P3H3: variants seen among roughly 807,000 people sequenced by gnomAD.
The protein encoded by P3H3 is gene rich cluster, B.
A neutral mutation model predicts 78.1 loss-of-function variants in P3H3; 64 were observed. The ratio of observed to expected loss-of-function variants is 0.82; its 90% confidence interval spans 0.67 to 1.01. The LOEUF (loss-of-function observed/expected upper bound fraction) is 1.01, where lower values mean the gene tolerates loss of function less well. P3H3 is among the 50% of genes least tolerant of loss of function. The pLI is 0.00. For synonymous variants in P3H3, 425 were observed against 416.7 expected, an observed-to-expected ratio of 1.02 and a Z score of -0.24; for missense variants, 975 against 982.2, an observed-to-expected ratio of 0.99 and a Z score of 0.10.
In P3H3 at chr12:6,829,233, C is replaced by T; in HGVS notation, c.498+295C>T. On this transcript the variant is annotated intron_variant, in intron 1 of 14. Transcript: ENST00000290510. The surrounding 1 kb of genome is among the most constrained non-coding windows in gnomAD (Gnocchi z 5.1). ...GGGCCGCCTCTTCCTAGGAATGAAGCGGAGGCGGTGGGGGCGAAACCGGCT... is the reference window on the plus strand; with the variant it reads ...GGGCCGCCTCTTCCTAGGAATGAAGTGGAGGCGGTGGGGGCGAAACCGGCT... 2.9e-6 allele frequency: 1 copy of T among 345,408 alleles called. No homozygotes were observed. Among genetic ancestry groups the T allele is most frequent in the Non-Finnish European group, 5.2e-6 (1 of 192,334 alleles). The allele number at this position is 345,408 out of a possible 1,614,324, so 21.4% of individuals were successfully genotyped here. A position where few individuals can be genotyped will look rare whatever the true frequency, so the allele number is the denominator to read the frequency against.
At position 6,831,134 on chromosome 12, in the gene P3H3, C is replaced by T; in HGVS notation, c.986-82C>T. The T allele has an allele frequency of 6.3e-7, 1 of 1,577,962 alleles. No individual in the cohort carries two copies. The highest frequency in any genetic ancestry group is 1.1e-5 in the South Asian group (1 of 89,766). ...CTGTCTGGCCTCTGGAGACCACCTTCTCCAGCACTGCCTCTGCCCCAAGGA... is the reference window on the plus strand; with the variant it reads ...CTGTCTGGCCTCTGGAGACCACCTTTTCCAGCACTGCCTCTGCCCCAAGGA... On this transcript the variant is annotated intron_variant, in intron 4 of 14. Coordinates refer to ENST00000290510, the MANE Select transcript of P3H3 (RefSeq NM_014262.5). This position sits in a 1 kb window ranked among gnomAD's most constrained non-coding sequence, Gnocchi z 4.6.
In P3H3 at chr12:6,837,767, G is replaced by A. The variant is rs1555122407; in HGVS notation, c.1747G>A (p.Val583Met). 41 of 1,613,170 alleles carry A rather than the reference G, an allele frequency of 2.5e-5. No homozygotes were observed. The highest frequency in any genetic ancestry group is 3.5e-5 in the Non-Finnish European group (41 of 1,179,650). The change falls in exon 12 of 15, where the codon GTG becomes ATG. Residue 583 changes from valine (V) to methionine (M), a missense_variant. By Grantham distance (21) the Val-to-Met change is conservative. Transcript: ENST00000290510. ...QEQRMDLSHPVHADNCVLDPD... is the reference protein window; with the variant it reads ...QEQRMDLSHPMHADNCVLDPD... ...GCAGCGCATGGACCTGAGTCACCCAGTGCACGCAGACAACTGCGTCCTGGA... is the reference window on the plus strand; with the variant it reads ...GCAGCGCATGGACCTGAGTCACCCAATGCACGCAGACAACTGCGTCCTGGA...
At chr12:6,830,576 G>T (rs1365608824) in intron 3 of P3H3, 22 bp downstream of exon 3, 92 of 1,580,314 alleles carry the variant, frequency 5.8e-5, no homozygotes, top group Non-Finnish European at 7.7e-5. Context: ...GTGTGTGAGG[G>T]GGTGGGTCGG....
chr12:6,839,358 A>G lies in P3H3; in HGVS notation c.2108A>G (p.Glu703Gly), dbSNP rs968513991. The G allele has an allele frequency of 3.7e-5, 57 of 1,553,752 alleles. No individual in the cohort carries two copies. The highest frequency in any genetic ancestry group is 5.0e-5 in the Non-Finnish European group (57 of 1,148,188). The change falls in exon 15 of 15, where the codon GAA becomes GGA. Residue 703 changes from glutamate to glycine, a missense_variant. Transcript: ENST00000290510. ...CAGGAGGAGGAGGAAGAGGAAGAGGAAGAAATGCCCAGCAAAGACCCTTCC... is the reference window on the plus strand; with the variant it reads ...CAGGAGGAGGAGGAAGAGGAAGAGGGAGAAATGCCCAGCAAAGACCCTTCC... Reference protein sequence around the residue: ...ESQEEEEEEEEEMPSKDPSPE... With the variant: ...ESQEEEEEEEGEMPSKDPSPE...
chr12:6,839,206 A>C, intron 14 of P3H3, 66 bp downstream of exon 14: 1 of 1,572,232 alleles, frequency 6.4e-7, no homozygotes, highest in East Asian at 2.3e-5. Context: ...GGAGCCCCCG[A>C]GAAGGCTCAC....
In P3H3 at chr12:6,831,124, A is replaced by C. The variant is rs1943446856; in HGVS notation, c.986-92A>C. ...TTGGAGTTAGCTGTCTGGCCTCTGG[A>C]GACCACCTTCTCCAGCACTGCCTCT... On this transcript the variant is annotated intron_variant, in intron 4 of 14. Coordinates refer to ENST00000290510, the MANE Select transcript of P3H3 (RefSeq NM_014262.5). The surrounding 1 kb of genome is among the most constrained non-coding windows in gnomAD (Gnocchi z 4.6). 1 of 1,540,908 alleles carries C rather than the reference A, an allele frequency of 6.5e-7. No individual in the cohort carries two copies. The highest frequency in any genetic ancestry group is 9.0e-7 in the Non-Finnish European group (1 of 1,114,820).
rs782398555 is a variant in P3H3 at position 6,837,746 on chromosome 12, C to T, written c.1726C>T (p.Arg576Cys). The T allele has an allele frequency of 4.3e-6, 7 of 1,612,314 alleles. No individual in the cohort carries two copies. The highest frequency in any genetic ancestry group is 2.2e-5 in the South Asian group (2 of 90,666). The stretch of plus-strand genomic sequence containing the variant: ...TTGTGTCCTAGGAGAGCAAGAGCAG[C>T]GCATGGACCTGAGTCACCCAGTGCA... ...RSAIEGEQEQ[R>C]MDLSHPVHAD... Residue 576 changes from arginine (R) to cysteine (C), a missense_variant, in exon 12 of 15, where the codon CGC (arginine) becomes TGC (cysteine). Physicochemically the swap from Arg to Cys is radical, Grantham distance 180. Transcript: ENST00000290510.
intron 13 of P3H3, 150 bp downstream of exon 13, chr12:6,838,183 C>T: frequency 9.6e-7 from 1 of 1,046,634 alleles, no homozygotes; most frequent in Non-Finnish European, 1.4e-6. Flanking sequence ...CCGCTGCTTC[C>T]TCCGTAGCAA....
Position 6,831,963 on chromosome 12 carries a change from G to T in P3H3, c.1212+49G>T. On this transcript the variant is annotated intron_variant, in intron 6 of 14. Transcript: ENST00000290510. This position sits in a 1 kb window ranked among gnomAD's most constrained non-coding sequence, Gnocchi z 4.6. ...TCTCACCCCTCCGCACTCCCAGGAG[G>T]GATGGCACTTTGGTTTGCAACAGAG... is the stretch of plus-strand genomic sequence containing the variant. The T allele has an allele frequency of 9.3e-7, 1 of 1,077,444 alleles. No homozygotes were observed. Among genetic ancestry groups the T allele is most frequent in the East Asian group, 2.5e-5 (1 of 40,086 alleles). The allele number at this position is 1,077,444 out of a possible 1,614,324, so 66.7% of individuals were successfully genotyped here. A position where few individuals can be genotyped will look rare whatever the true frequency, so the allele number is the denominator to read the frequency against.
rs1407177356 is a variant in P3H3, at chr12:6,829,805, G to T, written c.499-54G>T. The T allele has an allele frequency of 6.2e-7, 1 of 1,607,030 alleles. No homozygotes were observed. The highest frequency in any genetic ancestry group is 8.5e-7 in the Non-Finnish European group (1 of 1,175,110). ...GGGTGGGGAGGCTGGCCAGGGGGCAGAGGTCTGCCCCCCGTCCCAGGGCTC... is the reference window on the plus strand; with the variant it reads ...GGGTGGGGAGGCTGGCCAGGGGGCATAGGTCTGCCCCCCGTCCCAGGGCTC... On this transcript the variant is annotated intron_variant, in intron 1 of 14. Transcript: ENST00000290510. The surrounding 1 kb of genome is among the most constrained non-coding windows in gnomAD (Gnocchi z 5.1).
intron 10 of P3H3, 28 bp downstream of exon 10, chr12:6,837,114 C>G: frequency 6.4e-7 from 1 of 1,563,358 alleles, no homozygotes; most frequent in South Asian, 1.1e-5. Context: ...CCGGGCCCGT[C>G]TGATGCCCAG....
chr12:6,830,745 G>A lies in P3H3; in HGVS notation c.960G>A (p.Arg320=). 6.2e-7 allele frequency: 1 copy of A among 1,614,008 alleles called. No homozygotes were observed. The highest frequency in any genetic ancestry group is 1.6e-4 in the Middle Eastern group (1 of 6,062). ...CAGACTTCCTTCCCAACCAGCTGAGGCGGCTACATGAGGCCCATGCTCAGG... is the reference window on the plus strand; with the variant it reads ...CAGACTTCCTTCCCAACCAGCTGAGACGGCTACATGAGGCCCATGCTCAGG... ...PVPDFLPNQL[R]RLHEAHAQVG... is the part of the protein sequence containing the mutation. Residue 320 remains arginine, a synonymous_variant, in exon 4 of 15, where the codon AGG becomes AGA. Transcript: ENST00000290510.
At chr12:6,833,872 T>C (rs1943472030) in intron 8 of P3H3, 53 bp from the exon 9 acceptor site, 2 of 1,613,808 alleles carry the variant, frequency 1.2e-6, no homozygotes, top group East Asian at 2.2e-5. Context: ...GCTACTGCTC[T>C]GCCTGCCCTT....
Position 6,828,485 on chromosome 12 carries a change from TC to T in P3H3, c.50del (p.Pro17ArgfsTer9), listed in dbSNP as rs1555120763. On this transcript the variant is annotated frameshift_variant, in exon 1 of 15. Transcript: ENST00000290510. LOFTEE classifies it high-confidence loss of function. ...CGCTGCTGCTACTGCTGCTGCTGCCTCCCCCGGGGTCCCCTGAGCCCCCCGG... is the reference window on the plus strand; with the variant it reads ...CGCTGCTGCTACTGCTGCTGCTGCCTCCCCGGGGTCCCCTGAGCCCCCCGG... ...RPLLLLLLLP[P>X]PGSPEPPGLT... The T allele has an allele frequency of 3.4e-5, 43 of 1,277,746 alleles. No individual in the cohort carries two copies. The highest frequency in any genetic ancestry group is 2.5e-4 in the Middle Eastern group (1 of 4,072). The allele number at this position is 1,277,746 out of a possible 1,614,324, so 79.2% of individuals were successfully genotyped here. A position where few individuals can be genotyped will look rare whatever the true frequency, so the allele number is the denominator to read the frequency against.
Position 6,837,520 on chromosome 12 carries a change from A to C in P3H3, c.1658A>C (p.Glu553Ala). 6.2e-7 allele frequency: 1 copy of C among 1,612,224 alleles called. No individual in the cohort carries two copies. The highest frequency in any genetic ancestry group is 8.5e-7 in the Non-Finnish European group (1 of 1,179,244). Reference protein sequence around the residue: ...RTLTQAYFSPERPLHLSFTHL... With the variant: ...RTLTQAYFSPARPLHLSFTHL... ...TTGACCCAGGCCTACTTCTCCCCGG[A>C]ACGGCCCCTGCATCTGTCCTTCACC... Residue 553 changes from glutamate (E) to alanine (A), a missense_variant, in exon 11 of 15, where the codon GAA becomes GCA. Transcript: ENST00000290510.
intron 9 of P3H3, chr12:6,834,857 G>A (rs1194045302): frequency 1.3e-5 from 2 of 151,222 alleles, no homozygotes; most frequent in Non-Finnish European, 2.9e-5. Context: ...AGAAGCGCCT[G>A]AACCCGGGAG....
At position 6,829,803 on chromosome 12, in the gene P3H3, C is replaced by T; in HGVS notation, c.499-56C>T. On this transcript the variant is annotated intron_variant, in intron 1 of 14. Coordinates refer to ENST00000290510, the MANE Select transcript of P3H3 (RefSeq NM_014262.5). The surrounding 1 kb of genome is among the most constrained non-coding windows in gnomAD (Gnocchi z 5.1). The stretch of plus-strand genomic sequence containing the variant: ...TAGGGTGGGGAGGCTGGCCAGGGGG[C>T]AGAGGTCTGCCCCCCGTCCCAGGGC... 1 of 1,602,826 alleles carries T rather than the reference C, an allele frequency of 6.2e-7. No individual in the cohort carries two copies. Among genetic ancestry groups the T allele is most frequent in the South Asian group, 1.1e-5 (1 of 90,692 alleles).
chr12:6,828,701 C>A lies in P3H3; in HGVS notation c.261C>A (p.Ala87=). 1 of 1,245,282 alleles carries A rather than the reference C, an allele frequency of 8.0e-7. No individual in the cohort carries two copies. The highest frequency in any genetic ancestry group is 3.3e-5 in the South Asian group (1 of 30,606). The allele number at this position is 1,245,282 out of a possible 1,614,324, so 77.1% of individuals were successfully genotyped here. The part of the protein sequence containing the change: ...CGASCAADPG[A]ALPAVLLGAP... ...CGAGCTGCGCGGCCGATCCGGGCGC[C>A]GCGCTCCCCGCCGTGCTTCTCGGGG... Residue 87 remains alanine (A), a synonymous_variant, in exon 1 of 15, where the codon GCC becomes GCA. Transcript: ENST00000290510.
chr12:6,832,490 T>C (rs10744717), intron 6 of P3H3, among the ~76,000 whole-genome samples: 94,151 of 152,058 alleles, frequency 0.62, 30,074 homozygotes, highest in East Asian at 0.86. Flanking sequence ...TGACAGCCCC[T>C]GAGTCATGGC....
Sources: gnomAD v4.1 joint callset for allele counts (sites outside exome capture counted in the v4.1 genomes callset) on GRCh38, gnomAD v4.1.1 for gene constraint, Gnocchi (gnomAD v3.1) non-coding constraint, MANE v1.5 for transcripts, NCBI Gene and HGNC (gene_info 2026-07-23, HGNC 2026-07-21) for gene names.